ZSCAN5A: variants seen among roughly 807,000 people sequenced by gnomAD.
ZSCAN5A encodes zinc finger and SCAN domain-containing protein 5A.
A neutral mutation model predicts 23.7 loss-of-function variants in ZSCAN5A; 12 were observed. That is an observed-to-expected ratio of 0.51 (90% CI 0.32 to 0.82). ZSCAN5A has a LOEUF of 0.82. Among genes scored for constraint, ZSCAN5A ranks in the 40% least tolerant of loss-of-function variants. The probability of loss-of-function intolerance (pLI) is 0.03; values close to 1 mark genes in which losing one functional copy is unlikely to be tolerated. For missense variants in ZSCAN5A, 597 were observed against 617.9 expected, an observed-to-expected ratio of 0.97 and a Z score of 0.36; for synonymous variants, 257 against 239.9, an observed-to-expected ratio of 1.07 and a Z score of -0.66.
Position 56,358,288 on chromosome 19 carries a change from T to C in ZSCAN5A, c.-358+4947A>G, listed in dbSNP as rs546390279. ...GGCGCCCACTACCATACCCGTCTAA[T>C]TTTTGTATTTTGAGTAGAGGCAGGG... On this transcript the variant is annotated intron_variant, in intron 2 of 6. Coordinates refer to the ZSCAN5A transcript ENST00000587340. Among the ~76,000 whole-genome samples the C allele has an allele frequency of 4.7e-5, 7 of 148,406 alleles. 1 individual carries two copies. Among genetic ancestry groups the C allele is most frequent in the Non-Finnish European group, 1.0e-4 (7 of 67,128 alleles).
At chr19:56,280,893 C>T (rs1036585985) in intron 2 of ZSCAN5A, among the ~76,000 whole-genome samples, 3 of 152,172 alleles carry the variant, frequency 2.0e-5, no homozygotes, top group Non-Finnish European at 4.4e-5. Context: ...GGGGTACACA[C>T]TCAAACCATA....
At chr19:56,300,349 G>C (rs901553793) in intron 2 of ZSCAN5A, among the ~76,000 whole-genome samples, 1 of 152,132 alleles carries the variant, frequency 6.6e-6, no homozygotes, top group African/African-American at 2.4e-5. Flanking sequence ...TGCTGTACAT[G>C]GTTCACCGTA....
At chr19:56,344,909 C>CAAAAAAA (rs1019131536) in intron 2 of ZSCAN5A, among the ~76,000 whole-genome samples, 1 of 19,040 alleles carries the variant, frequency 5.3e-5, no homozygotes, top group African/African-American at 1.7e-4. Flanking sequence ...GACTCCGTCT[C>CAAAAAAA]AAAAAAAAAA....
chr19:56,223,111 T>C (rs1394612652), intron 4 of ZSCAN5A, among the ~76,000 whole-genome samples: 4 of 152,114 alleles, frequency 2.6e-5, no homozygotes, highest in Admixed American at 2.0e-4. Flanking sequence ...ATCACCCTGC[T>C]GGAGGGGGCG....
At chr19:56,263,192 T>G (rs8106321) in intron 2 of ZSCAN5A, 58,624 of 151,994 alleles carry the variant, frequency 0.39, 13,050 homozygotes, top group Non-Finnish European at 0.5. Flanking sequence ...ACATTTAGCA[T>G]TGGGCTTCTG....
Position 56,230,615 on chromosome 19 carries a change from A to ATGTGTGTG in ZSCAN5A, c.-127-5450_-127-5443dup, listed in dbSNP as rs58270311. On this transcript the variant is annotated intron_variant, in intron 2 of 5. Coordinates refer to ENST00000683990, the MANE Select transcript of ZSCAN5A (RefSeq NM_001322064.3). ...CATCTGGCTTTCTTTTTATTTCTTG[A>ATGTGTGTG]TGTGTGTGTGTGTGTGTGTGTGTGT... Among the ~76,000 whole-genome samples the ATGTGTGTG allele has an allele frequency of 6.9e-3, 1,015 of 147,646 alleles. 8 individuals carry two copies. The highest frequency in any genetic ancestry group is 0.014 in the African/African-American group (538 of 39,442).
At chr19:56,234,712 CCT>C (rs34876706) in intron 2 of ZSCAN5A, among the ~76,000 whole-genome samples, 5,360 of 112,366 alleles carry the variant, frequency 0.048, 355 homozygotes, top group East Asian at 0.36. Flanking sequence ...GCATGCAGCC[CCT>C]GTCACGTACC....
chr19:56,247,505 C>G (rs77039036), intron 2 of ZSCAN5A: 3 of 162,366 alleles, frequency 1.8e-5, no homozygotes, highest in Admixed American at 1.8e-4. Context: ...TGATTTTTCA[C>G]TGACGCTATT....
upstream of ZSCAN5A, chr19:56,314,981 A>C (rs191094505): frequency 1.3e-5 from 2 of 152,352 alleles, no homozygotes; most frequent in East Asian, 3.9e-4. Context: ...TCCCCCACAA[A>C]TAACAGTGAG....
intron 2 of ZSCAN5A, chr19:56,294,922 C>G (rs1287211688): frequency 6.6e-6 from 1 of 152,280 alleles, no homozygotes. Flanking sequence ...ATGTCCACAG[C>G]AGGCAAGTCC....
chr19:56,368,170 C>T (rs1009595688), intron 1 of ZSCAN5A: 1 of 152,394 alleles, frequency 6.6e-6, no homozygotes, highest in Admixed American at 6.5e-5. Flanking sequence ...CACCAGGCTC[C>T]GCGTCGAGGC....
chr19:56,254,075 A>C (rs377352350), intron 2 of ZSCAN5A, among the ~76,000 whole-genome samples: 1 of 126,644 alleles, frequency 7.9e-6, no homozygotes, highest in Non-Finnish European at 1.8e-5. Context: ...TTTTTTTTTT[A>C]AATAAGTCTT....
intron 2 of ZSCAN5A, among the ~76,000 whole-genome samples, chr19:56,360,101 G>T (rs571063887): frequency 1.3e-5 from 2 of 152,266 alleles, no homozygotes; most frequent in African/African-American, 4.8e-5. Context: ...AAGAAATAAA[G>T]GGTATTCAAA....
At chr19:56,361,331 T>C (rs1302144278) in intron 2 of ZSCAN5A, among the ~76,000 whole-genome samples, 1 of 152,190 alleles carries the variant, frequency 6.6e-6, no homozygotes, top group Non-Finnish European at 1.5e-5. Context: ...GAAATACCAT[T>C]TGACCCAGCA....
intron 2 of ZSCAN5A, among the ~76,000 whole-genome samples, chr19:56,334,188 A>C (rs2041514638): frequency 6.6e-6 from 1 of 152,196 alleles, no homozygotes; most frequent in African/African-American, 2.4e-5. Context: ...TGGAGATCAG[A>C]TAGGAAACCT....
At chr19:56,317,615 G>A (rs934797857), upstream of ZSCAN5A, 4 of 152,274 alleles carry the variant, frequency 2.6e-5, no homozygotes, top group African/African-American at 9.7e-5. Flanking sequence ...ATCCACTTTC[G>A]GATCCTGCTT....
chr19:56,231,459 G>A (rs1250727445), intron 2 of ZSCAN5A, among the ~76,000 whole-genome samples: 1 of 152,070 alleles, frequency 6.6e-6, no homozygotes, highest in Non-Finnish European at 1.5e-5. Context: ...TCCCTCATGG[G>A]AATGTGGAGT....
chr19:56,274,935 G>A (rs1371902280), intron 2 of ZSCAN5A: 1 of 152,182 alleles, frequency 6.6e-6, no homozygotes, highest in Non-Finnish European at 1.5e-5. Context: ...GCTCTGATCA[G>A]TTGTTTTGCA....
chr19:56,291,500 T>G (rs2039507408), intron 2 of ZSCAN5A, among the ~76,000 whole-genome samples: 3 of 152,152 alleles, frequency 2.0e-5, no homozygotes, highest in Non-Finnish European at 4.4e-5. Flanking sequence ...AACCACAGGG[T>G]GGGAGGAGCT....
Sources: gnomAD v4.1 joint callset for allele counts (sites outside exome capture counted in the v4.1 genomes callset) on GRCh38, gnomAD v4.1.1 for gene constraint, MANE v1.5 for transcripts, NCBI Gene and HGNC (gene_info 2026-07-23, HGNC 2026-07-21) for gene names.